KMT2C: variants seen among roughly 807,000 people sequenced by gnomAD.
KMT2C encodes the protein histone-lysine N-methyltransferase 2C.
In KMT2C, 88 loss-of-function variants were observed where a neutral mutation model predicts 507.9. The ratio of observed to expected loss-of-function variants is 0.17; its 90% CI spans 0.15 to 0.21. The LOEUF is 0.21. KMT2C is among the 10% of genes least tolerant of loss of function. KMT2C has a pLI of 1.00. For synonymous variants in KMT2C, 2,049 were observed against 2,080.8 expected (o/e 0.98, Z 0.42); for missense variants, 4,954 against 5,957.8 (o/e 0.83, Z 5.55).
chr7:152,330,531 T>A, intron 3 of KMT2C, 70 bp downstream of exon 3: 1 of 1,457,924 alleles, frequency 6.9e-7, no homozygotes. Context: ...CTCCTTGAAT[T>A]TTCTCTATAG....
intron 7 of KMT2C, among the ~76,000 whole-genome samples, chr7:152,271,422 C>T (rs1161008313): frequency 6.6e-6 from 1 of 152,020 alleles, no homozygotes; most frequent in Admixed American, 6.6e-5. Flanking sequence ...CCTCTGTATC[C>T]CAGCACTTTG....
At chr7:152,289,574 A>G (rs2096370835) in intron 6 of KMT2C, among the ~76,000 whole-genome samples, 1 of 152,208 alleles carries the variant, frequency 6.6e-6, no homozygotes, top group East Asian at 1.9e-4. Context: ...TTAAAACTTG[A>G]TTATCTAACA....
At chr7:152,175,803 G>A (rs1453953781) in intron 38 of KMT2C, among the ~76,000 whole-genome samples, 1 of 152,180 alleles carries the variant, frequency 6.6e-6, no homozygotes, top group Non-Finnish European at 1.5e-5. Context: ...CACTTTGGGA[G>A]GCCAAAGCAG....
At chr7:152,398,455 G>A (rs1432313618) in intron 1 of KMT2C, among the ~76,000 whole-genome samples, 2 of 152,146 alleles carry the variant, frequency 1.3e-5, no homozygotes, top group African/African-American at 2.4e-5. Flanking sequence ...CACATACATA[G>A]AAATAGCAAA....
chr7:152,337,480 A>T (rs770038204), intron 2 of KMT2C, among the ~76,000 whole-genome samples: 3 of 152,196 alleles, frequency 2.0e-5, no homozygotes, highest in Non-Finnish European at 4.4e-5. Flanking sequence ...CAATGACTCT[A>T]ATTTATCCTA....
intron 1 of KMT2C, among the ~76,000 whole-genome samples, chr7:152,432,778 C>G (rs1434531231): frequency 6.6e-6 from 1 of 152,064 alleles, no homozygotes; most frequent in Non-Finnish European, 1.5e-5. Flanking sequence ...AAAATTTAAA[C>G]TTGAGGAAAG....
At chr7:152,201,293 GACACACACACACACACACAC>G (rs3839689) in intron 26 of KMT2C, among the ~76,000 whole-genome samples, 1 of 136,950 alleles carries the variant, frequency 7.3e-6, no homozygotes, top group Admixed American at 7.4e-5. Flanking sequence ...TACAGACACA[GACACACACACACACACACAC>G]ACACACACAC....
Position 152,144,155 on chromosome 7 carries a change from C to T in KMT2C, c.14343+558G>A, listed in dbSNP as rs141671991. On this transcript the variant is annotated intron_variant, in intron 55 of 58. Coordinates refer to ENST00000262189, the MANE Select transcript of KMT2C (RefSeq NM_170606.3). The surrounding 1 kb of genome is among the most constrained non-coding windows in gnomAD (Gnocchi z 4.4). The stretch of plus-strand genomic sequence containing the variant: ...AGAGCTTTGTAATTCCATTCTGAGA[C>T]ATCCAAGGAGAAAAATGCTGAACAG... Among the ~76,000 whole-genome samples the T allele has an allele frequency of 3.3e-5, 5 of 152,270 alleles. No individual in the cohort carries two copies. Among genetic ancestry groups the T allele is most frequent in the Middle Eastern group, 3.4e-3 (1 of 294 alleles).
intron 9 of KMT2C, among the ~76,000 whole-genome samples, chr7:152,253,514 C>CAAAAAAAAAAAAAAAAAAAAAAA (rs71198770): frequency 2.5e-5 from 1 of 39,510 alleles, no homozygotes; most frequent in African/African-American, 7.8e-5. Flanking sequence ...TCTTTCTCTA[C>CAAAAAAAAAAAAAAAAAAAAAAA]AAAAAAAAAA....
At chr7:152,272,237 A>G (rs2095990513) in intron 7 of KMT2C, among the ~76,000 whole-genome samples, 1 of 152,186 alleles carries the variant, frequency 6.6e-6, no homozygotes, top group African/African-American at 2.4e-5. Flanking sequence ...ATTATTTTAC[A>G]AACTGATTTA....
intron 36 of KMT2C, among the ~76,000 whole-genome samples, chr7:152,180,505 C>T (rs1041519449): frequency 6.6e-6 from 1 of 152,066 alleles, no homozygotes; most frequent in African/African-American, 2.4e-5. Context: ...GATTCCCCTG[C>T]GAATTCGTGA....
chr7:152,426,721 A>G (rs957496563), intron 1 of KMT2C, among the ~76,000 whole-genome samples: 36 of 152,184 alleles, frequency 2.4e-4, no homozygotes, highest in African/African-American at 8.4e-4. Flanking sequence ...TAAATTCTAC[A>G]CATATATATA....
Position 152,263,004 on chromosome 7 carries a change from TA to T in KMT2C, c.1299+11del, listed in dbSNP as rs780394004. ...GAGAGGATTTAAAAAAATAAATAAA[TA>T]AACAACTTACTTTGCATTTCCAGCC... On this transcript the variant is annotated intron_variant, in intron 9 of 58. Coordinates refer to ENST00000262189, the MANE Select transcript of KMT2C (RefSeq NM_170606.3). 48 of 1,582,640 alleles carry T rather than the reference TA, an allele frequency of 3.0e-5. No homozygotes were observed. In the African/African-American group the frequency reaches 6.3e-4, roughly 21 times the overall value.
At chr7:152,269,506 T>C (rs559431478) in intron 7 of KMT2C, among the ~76,000 whole-genome samples, 1 of 152,204 alleles carries the variant, frequency 6.6e-6, no homozygotes, top group South Asian at 2.1e-4. Context: ...TAGACACACA[T>C]GTCTGTAAGC....
Position 152,257,886 on chromosome 7 carries a change from A to C in KMT2C, c.1299+5130T>G, listed in dbSNP as rs569321953. ...ACACGCACACACACACACACACACA[A>C]AAAAAACACCTCATAATGTTTTAAG... On this transcript the variant is annotated intron_variant, in intron 9 of 58. Coordinates refer to ENST00000262189, the MANE Select transcript of KMT2C (RefSeq NM_170606.3). Among the ~76,000 whole-genome samples, 1,115 of 147,872 alleles carry C rather than the reference A, an allele frequency of 7.5e-3. 1 individual carries two copies. Among genetic ancestry groups the C allele is most frequent in the African/African-American group, 0.013 (481 of 37,706 alleles).
intron 1 of KMT2C, among the ~76,000 whole-genome samples, chr7:152,392,885 C>CT (rs202086844): frequency 4.7e-4 from 70 of 149,302 alleles, no homozygotes; most frequent in African/African-American, 1.6e-3. Flanking sequence ...AGTTTATCAG[C>CT]TTTTTTTGAA....
intron 1 of KMT2C, among the ~76,000 whole-genome samples, chr7:152,426,009 A>T (rs1302706613): frequency 6.6e-6 from 1 of 152,154 alleles, no homozygotes; most frequent in Non-Finnish European, 1.5e-5. Flanking sequence ...TTTGAGCAAT[A>T]AAAAACTTTG....
chr7:152,157,734 A>C, intron 44 of KMT2C: 1 of 1,185,806 alleles, frequency 8.4e-7, no homozygotes, highest in Non-Finnish European at 1.1e-6. Flanking sequence ...AGATGAAGCA[A>C]GACAACACCT....
chr7:152,310,521 C>T (rs1197324045), intron 5 of KMT2C, among the ~76,000 whole-genome samples: 1 of 152,140 alleles, frequency 6.6e-6, no homozygotes, highest in Non-Finnish European at 1.5e-5. Flanking sequence ...GCTGAGATCG[C>T]ACCACTGCAC....
Sources: allele counts gnomAD v4.1 joint callset (sites outside exome capture counted in the v4.1 genomes callset), GRCh38; gene constraint gnomAD v4.1.1; non-coding constraint Gnocchi (gnomAD v3.1); transcripts MANE v1.5; gene names NCBI Gene and HGNC (gene_info 2026-07-23, HGNC 2026-07-21).